Variants in UTY observed in about 807,000 individuals in gnomAD.
UTY encodes the protein ubiquitously transcribed tetratricopeptide repeat containing, Y-linked.
Under a neutral mutation model 32.5 loss-of-function variants are expected in UTY, and 12 were observed. The ratio of observed to expected loss-of-function variants is 0.37; its 90% CI spans 0.24 to 0.60. The LOEUF is 0.60. Among genes scored for constraint, UTY ranks in the 20% least tolerant of loss-of-function variants. The pLI, the probability that UTY is intolerant of heterozygous loss-of-function variation, is 0.69. For missense variants in UTY, 303 were observed against 299.2 expected (o/e 1.01, Z -0.09); for synonymous variants, 131 against 103.4 (o/e 1.27, Z -1.62).
chrY:13,354,709 T>G, intron 17 of UTY: 4 of 161,638 alleles, frequency 2.5e-5, no homozygotes, highest in Non-Finnish European at 4.4e-5. Context: ...ACTGACATAA[T>G]ATAGTGTAAA....
At chrY:13,268,055 A>G in intron 27 of UTY, among the ~76,000 whole-genome samples, 1 of 32,257 alleles carries the variant, frequency 3.1e-5, no homozygotes, top group South Asian at 7.3e-4. Flanking sequence ...TATTTCCTGA[A>G]TTTGAATGTT....
chrY:13,392,559 C>T (rs2067683738), intron 8 of UTY, among the ~76,000 whole-genome samples: 4 of 33,668 alleles, frequency 1.2e-4, no homozygotes, highest in Non-Finnish European at 2.2e-4. Flanking sequence ...CTAAGGCCAC[C>T]GTGTGTACCT....
Position 13,306,043 on chromosome Y carries a change from G to T in UTY, c.3411C>A (p.Asn1137Lys). 1 of 396,992 alleles carries T rather than the reference G, an allele frequency of 2.5e-6. No homozygotes were observed. Among genetic ancestry groups the T allele is most frequent in the South Asian group, 3.0e-5 (1 of 33,671 alleles). The stretch of plus-strand genomic sequence containing the variant: ...ACTAGGGCAGGGAGACTTACTTTTT[G>T]TTATCAGAGAGGTCAATGTTGGTCC... Reference protein sequence around the residue: ...KFGTNIDLSDNKKWKLQLHEL... With the variant: ...KFGTNIDLSDKKKWKLQLHEL... Residue 1137 changes from asparagine (N) to lysine (K), a missense_variant, in exon 23 of 30, where the codon AAC becomes AAA. Coordinates refer to ENST00000545955, the MANE Select transcript of UTY (RefSeq NM_001258249.2).
At position 13,406,672 on chromosome Y, in the gene UTY, T is replaced by G; in HGVS notation, c.555+4321A>C. 9.9e-5 allele frequency among the ~76,000 whole-genome samples: 3 copies of G among 30,440 alleles called. No homozygotes were observed. The East Asian group carries it at 2.4e-3, about 24-fold the overall frequency. 81.7% of individuals were successfully genotyped at this position (30,440 alleles called of 37,273 possible). A position where few individuals can be genotyped will look rare whatever the true frequency, so the allele number is the denominator to read the frequency against. ...TAGTAAATTTCTATACAATCTTTTT[T>G]CCGGCTTTATTGAAGTATGTTTATG... is the stretch of plus-strand genomic sequence containing the variant. On this transcript the variant is annotated intron_variant, in intron 6 of 29. Coordinates refer to ENST00000545955, the MANE Select transcript of UTY (RefSeq NM_001258249.2).
intron 6 of UTY, among the ~76,000 whole-genome samples, chrY:13,401,880 A>AT: frequency 3.0e-5 from 1 of 33,343 alleles, no homozygotes; most frequent in Non-Finnish European, 7.4e-5. Context: ...TCAAAAAAAA[A>AT]GGAAAAATAA....
intron 27 of UTY, among the ~76,000 whole-genome samples, chrY:13,264,722 G>C (rs923858589): frequency 3.0e-5 from 1 of 32,981 alleles, no homozygotes; most frequent in African/African-American, 1.2e-4. Context: ...TATTGATTTT[G>C]CTGTGGAGAA....
At chrY:13,439,944 T>G in intron 4 of UTY, among the ~76,000 whole-genome samples, 1 of 32,621 alleles carries the variant, frequency 3.1e-5, no homozygotes, top group Admixed American at 2.8e-4. Flanking sequence ...ATGAGCCCTT[T>G]GTAGTAATCT....
intron 4 of UTY, among the ~76,000 whole-genome samples, chrY:13,427,642 A>G (rs2073473733): frequency 3.0e-5 from 1 of 33,518 alleles, no homozygotes; most frequent in Non-Finnish European, 7.4e-5. Context: ...GCAAGAGAAT[A>G]TAACAATTAC....
At chrY:13,286,876 T>C in intron 27 of UTY, 1 of 372,910 alleles carries the variant, frequency 2.7e-6, no homozygotes, top group Non-Finnish European at 3.8e-6. Flanking sequence ...GGTTGTGTTA[T>C]GACCGGAATG....
chrY:13,400,587 C>A (rs2068851464), intron 6 of UTY, among the ~76,000 whole-genome samples: 1 of 32,973 alleles, frequency 3.0e-5, no homozygotes, highest in Admixed American at 2.8e-4. Flanking sequence ...TCGCAAAGTT[C>A]TCCAGTGTAT....
chrY:13,335,075 A>G (rs2060957705), intron 18 of UTY, among the ~76,000 whole-genome samples: 1 of 33,217 alleles, frequency 3.0e-5, no homozygotes, highest in Non-Finnish European at 7.4e-5. Context: ...CATTCTCAGC[A>G]AACTAACACA....
At position 13,366,339 on chromosome Y, in the gene UTY, T is replaced by C; in HGVS notation, c.794A>G (p.Tyr265Cys). The C allele has an allele frequency of 2.5e-6, 1 of 392,895 alleles. No homozygotes were observed. Among genetic ancestry groups the C allele is most frequent in the Non-Finnish European group, 3.6e-6 (1 of 280,156 alleles). Residue 265 changes from tyrosine (Y) to cysteine (C), a missense_variant, in exon 10 of 30, where the codon TAT becomes TGT. Transcript: ENST00000545955. ...LVGDKATKESYAIQYLQKSLE... is the reference protein window; with the variant it reads ...LVGDKATKESCAIQYLQKSLE... ...AGACTTTTGGAGATACTGAATAGCA[T>C]AGCTTTCCTTTGTGGCTTTGTCTCC...
intron 4 of UTY, among the ~76,000 whole-genome samples, chrY:13,436,079 C>T: frequency 3.0e-5 from 1 of 32,872 alleles, no homozygotes; most frequent in African/African-American, 1.2e-4. Flanking sequence ...AAGCCGGCAG[C>T]AGGGTAGAGC....
chrY:13,250,017 TC>T (rs2054020255), intron 29 of UTY, 135 bp from the exon 30 acceptor site: 1 of 72,784 alleles, frequency 1.4e-5, no homozygotes, highest in Non-Finnish European at 2.7e-5. Context: ...AGAGAGATGC[TC>T]TTTTCTTTTT....
chrY:13,341,828 T>C, intron 17 of UTY, among the ~76,000 whole-genome samples: 1 of 33,045 alleles, frequency 3.0e-5, no homozygotes, highest in African/African-American at 1.2e-4. Context: ...AAAGAGGCCT[T>C]ACTTCAAATC....
At chrY:13,396,349 C>T in intron 7 of UTY, 1 of 33,370 alleles carries the variant, frequency 3.0e-5, no homozygotes, top group Non-Finnish European at 7.4e-5. Context: ...ACATTTTTAT[C>T]ACAAAGGAAA....
chrY:13,470,111 A>G lies in UTY; in HGVS notation c.325+10T>C. 2.7e-6 allele frequency: 1 copy of G among 366,003 alleles called. No homozygotes were observed. The highest frequency in any genetic ancestry group is 3.8e-6 in the Non-Finnish European group (1 of 263,419). The allele number at this position is 366,003 out of a possible 400,897, so 91.3% of individuals were successfully genotyped here. ...GTCAAGCAAGAAATTTAGAAAGAGA[A>G]TAACAATACCTTTTGAATAATCTTC... On this transcript the variant is annotated intron_variant, in intron 3 of 29. Coordinates refer to ENST00000545955, the MANE Select transcript of UTY (RefSeq NM_001258249.2).
intron 2 of UTY, among the ~76,000 whole-genome samples, chrY:13,474,773 GT>G (rs2078877004): frequency 3.0e-5 from 1 of 33,559 alleles, no homozygotes; most frequent in Non-Finnish European, 7.4e-5. Flanking sequence ...TAATTTCTTA[GT>G]TTTTTGTAGA....
intron 27 of UTY, among the ~76,000 whole-genome samples, chrY:13,284,899 C>CCTTCA (rs2057252060): frequency 2.9e-5 from 1 of 34,449 alleles, no homozygotes; most frequent in Non-Finnish European, 7.3e-5. Context: ...CCCTGATTGT[C>CCTTCA]CCCCTTCCGC....
Sources: gnomAD v4.1 joint callset for allele counts (sites outside exome capture counted in the v4.1 genomes callset) on GRCh38, gnomAD v4.1.1 for gene constraint, MANE v1.5 for transcripts, NCBI Gene and HGNC (gene_info 2026-07-23, HGNC 2026-07-21) for gene names.